SNX29: variants seen among roughly 807,000 people sequenced by gnomAD.
SNX29 encodes sorting nexin 29, also known as sorting nexin-29.
Under a neutral mutation model 102.1 loss-of-function variants are expected in SNX29, and 78 were observed. The ratio of observed to expected loss-of-function variants is 0.76; its 90% confidence interval spans 0.64 to 0.92. SNX29 has a LOEUF of 0.92. SNX29 is among the 40% of genes least tolerant of loss of function. The pLI, the probability that SNX29 is intolerant of heterozygous loss-of-function variation, is 0.00. For synonymous variants in SNX29, 580 were observed against 414.5 expected, an observed-to-expected ratio of 1.40 and a Z score of -4.85; for missense variants, 1,280 against 1,061.7, an observed-to-expected ratio of 1.21 and a Z score of -2.86.
chr16:12,543,870 C>A (rs577332685), intron 20 of SNX29, among the ~76,000 whole-genome samples: 1 of 152,188 alleles, frequency 6.6e-6, no homozygotes, highest in Admixed American at 6.5e-5. Context: ...CATCCTCTTA[C>A]CACACTACAA....
intron 16 of SNX29, chr16:12,373,081 TGTAA>T (rs1469481955): frequency 6.6e-6 from 1 of 152,244 alleles, no homozygotes; most frequent in East Asian, 1.9e-4. Flanking sequence ...GAGATGGAGC[TGTAA>T]GTCTCTTTTT....
intron 19 of SNX29, among the ~76,000 whole-genome samples, chr16:12,518,931 T>C (rs1032391165): frequency 6.6e-6 from 1 of 152,188 alleles, no homozygotes; most frequent in African/African-American, 2.4e-5. Flanking sequence ...GTGTAGCCTC[T>C]GGGATGCATT....
chr16:12,207,252 C>G (rs1477836171), intron 14 of SNX29, among the ~76,000 whole-genome samples: 3 of 152,094 alleles, frequency 2.0e-5, no homozygotes, highest in Admixed American at 1.3e-4. Flanking sequence ...GCCTGTAATC[C>G]TAGTTACTTG....
chr16:12,360,410 A>G (rs1437547001), intron 16 of SNX29, among the ~76,000 whole-genome samples: 4 of 152,142 alleles, frequency 2.6e-5, no homozygotes, highest in African/African-American at 9.7e-5. Context: ...TTGCAATCCT[A>G]TGGTGATGTT....
chr16:12,433,931 T>C (rs1296782836), intron 18 of SNX29, among the ~76,000 whole-genome samples: 1 of 152,226 alleles, frequency 6.6e-6, no homozygotes, highest in East Asian at 1.9e-4. Flanking sequence ...ATGCCAGTGC[T>C]TAAGGGTCAG....
intron 16 of SNX29, among the ~76,000 whole-genome samples, chr16:12,360,405 A>G (rs561745649): frequency 2.0e-5 from 3 of 152,076 alleles, no homozygotes; most frequent in East Asian, 1.9e-4. Flanking sequence ...GCTAATTGCA[A>G]TCCTATGGTG....
Position 12,572,438 on chromosome 16 carries a change from C to T in SNX29, c.*3809C>T, listed in dbSNP as rs28470637. The T allele has an allele frequency of 0.59, 625,548 of 1,062,704 alleles. 185,740 individuals are homozygous for T. Among genetic ancestry groups the T allele is most frequent in the African/African-American group, 0.67 (40,604 of 60,984 alleles). 65.8% of individuals were successfully genotyped at this position (1,062,704 alleles called of 1,614,324 possible). On this transcript the variant is annotated 3_prime_UTR_variant, in exon 21 of 21. Coordinates refer to ENST00000566228, the MANE Select transcript of SNX29 (RefSeq NM_032167.5). ...GCCCAGGCCGGCAGTGGCTGCCTCT[C>T]TTGGTTCTGCATGGTACATTTTGCC...
At chr16:12,229,352 G>T (rs144666591) in intron 14 of SNX29, among the ~76,000 whole-genome samples, 1 of 152,180 alleles carries the variant, frequency 6.6e-6, no homozygotes, top group Non-Finnish European at 1.5e-5. Flanking sequence ...GCCAGTCCTA[G>T]GATTTTAGGC....
chr16:12,436,037 A>C (rs1024277853), intron 18 of SNX29, among the ~76,000 whole-genome samples: 6 of 152,136 alleles, frequency 3.9e-5, no homozygotes, highest in Non-Finnish European at 8.8e-5. Context: ...GCTAGGATCA[A>C]ATGTTGTGGG....
intron 18 of SNX29, among the ~76,000 whole-genome samples, chr16:12,468,909 C>T (rs1445507033): frequency 6.6e-6 from 1 of 152,240 alleles, no homozygotes; most frequent in Non-Finnish European, 1.5e-5. Context: ...GGTCTTTGGG[C>T]ACTTCCGGCC....
At position 12,470,596 on chromosome 16, in the gene SNX29, G is replaced by A. The variant is rs192961879; in HGVS notation, c.2038-7123G>A. ...TGTTTTAGCACTCAGAAACCCACTC[G>A]AGAAGGTCATTTCCTGAACTCTGCT... On this transcript the variant is annotated intron_variant, in intron 18 of 20. Transcript: ENST00000566228. Among the ~76,000 whole-genome samples the A allele has an allele frequency of 1.3e-4, 20 of 152,248 alleles. No homozygotes were observed. The East Asian group carries it at 3.9e-3, about 29-fold the overall frequency.
chr16:12,539,614 G>C (rs1040531602), intron 20 of SNX29, among the ~76,000 whole-genome samples: 1 of 152,196 alleles, frequency 6.6e-6, no homozygotes, highest in African/African-American at 2.4e-5. Flanking sequence ...AAGAGTTGAG[G>C]ACTGGATCCT....
At chr16:12,540,510 T>G (rs1246495849) in intron 20 of SNX29, among the ~76,000 whole-genome samples, 2 of 152,124 alleles carry the variant, frequency 1.3e-5, no homozygotes, top group Admixed American at 1.3e-4. Context: ...CTTCTCGAGG[T>G]TGTGGGGCAG....
chr16:12,045,252 T>C (rs1423553951), intron 5 of SNX29, among the ~76,000 whole-genome samples: 2 of 152,236 alleles, frequency 1.3e-5, no homozygotes, highest in African/African-American at 2.4e-5. Context: ...CTTCAGTGGC[T>C]AATTTTTCCA....
intron 11 of SNX29, among the ~76,000 whole-genome samples, chr16:12,100,410 A>C (rs1444891717): frequency 6.6e-6 from 1 of 152,078 alleles, no homozygotes; most frequent in Non-Finnish European, 1.5e-5. Flanking sequence ...GGTAGGTAAA[A>C]CTGCCCTTGG....
intron 16 of SNX29, among the ~76,000 whole-genome samples, chr16:12,389,353 C>A (rs558669795): frequency 1.3e-5 from 2 of 152,146 alleles, no homozygotes; most frequent in Admixed American, 6.5e-5. Flanking sequence ...GGGAAATAAT[C>A]GAATCACGGG....
intron 13 of SNX29, among the ~76,000 whole-genome samples, chr16:12,139,725 G>A (rs944315466): frequency 7.2e-5 from 11 of 152,038 alleles, no homozygotes; most frequent in African/African-American, 2.2e-4. Context: ...AGTGGCTCAC[G>A]CCTATAATCC....
intron 15 of SNX29, among the ~76,000 whole-genome samples, chr16:12,347,817 C>A (rs1337286617): frequency 6.6e-6 from 1 of 151,696 alleles, no homozygotes; most frequent in African/African-American, 2.4e-5. Flanking sequence ...GTGGGTCATG[C>A]CTATAATCGT....
At chr16:12,003,426 T>A (rs2056356551) in intron 3 of SNX29, among the ~76,000 whole-genome samples, 1 of 152,214 alleles carries the variant, frequency 6.6e-6, no homozygotes. Flanking sequence ...GAATGTTATA[T>A]AGCCATTAAA....
Sources: allele counts gnomAD v4.1 joint callset (sites outside exome capture counted in the v4.1 genomes callset), GRCh38; gene constraint gnomAD v4.1.1; transcripts MANE v1.5; gene names NCBI Gene and HGNC (gene_info 2026-07-23, HGNC 2026-07-21).